The following SHOC2 variants were observed in gnomAD, a reference collection of about 807,000 sequenced individuals.
SHOC2 encodes SHOC2 leucine rich repeat scaffold protein, also known as leucine-rich repeat protein SHOC-2.
SHOC2 carries 4 observed loss-of-function variants against 50.2 expected under a neutral mutation model. That is an observed-to-expected ratio of 0.08 (90% CI 0.04 to 0.18). The LOEUF (loss-of-function observed/expected upper bound fraction) is 0.18. SHOC2 is among the 10% of genes least tolerant of loss of function. The pLI is 1.00. For missense variants in SHOC2, 388 were observed against 669.6 expected (o/e 0.58, Z 4.64); for synonymous variants, 218 against 244.5 (o/e 0.89, Z 1.01).
At chr10:110,921,169 G>A (rs1846639451) in intron 1 of SHOC2, among the ~76,000 whole-genome samples, 1 of 152,136 alleles carries the variant, frequency 6.6e-6, no homozygotes, top group East Asian at 1.9e-4. Flanking sequence ...CATTCAGTAA[G>A]GTTATATTTA....
chr10:110,923,274 ATATAT>A (rs1846690669), intron 1 of SHOC2, among the ~76,000 whole-genome samples: 1 of 152,074 alleles, frequency 6.6e-6, no homozygotes, highest in Non-Finnish European at 1.5e-5. Context: ...CTTGAACTTC[ATATAT>A]TATAGAGTGT....
intron 1 of SHOC2, among the ~76,000 whole-genome samples, chr10:110,936,460 G>GTTT (rs934196565): frequency 6.6e-6 from 1 of 151,648 alleles, no homozygotes; most frequent in Non-Finnish European, 1.5e-5. Context: ...AGATAGTAAT[G>GTTT]TTTTTTGCGT....
chr10:110,986,080 A>T (rs1254715259), intron 3 of SHOC2, among the ~76,000 whole-genome samples: 4 of 152,168 alleles, frequency 2.6e-5, no homozygotes, highest in African/African-American at 9.7e-5. Context: ...GTTGCATGTT[A>T]TTATACTGGG....
intron 2 of SHOC2, among the ~76,000 whole-genome samples, chr10:110,980,184 TCTCA>T: frequency 6.8e-6 from 1 of 147,618 alleles, no homozygotes; most frequent in East Asian, 2.0e-4. Flanking sequence ...TTTGAGATGG[TCTCA>T]CTCTGTCGCC....
chr10:110,974,863 A>T (rs1222727227), intron 2 of SHOC2, among the ~76,000 whole-genome samples: 1 of 152,200 alleles, frequency 6.6e-6, no homozygotes, highest in African/African-American at 2.4e-5. Flanking sequence ...TCCCATAATA[A>T]TACATTGATA....
chr10:111,007,791 C>A (rs1848497865), intron 6 of SHOC2, 138 bp downstream of exon 6: 2 of 840,104 alleles, frequency 2.4e-6, no homozygotes, highest in Non-Finnish European at 3.9e-6. Flanking sequence ...AACATACAAC[C>A]CTAATAGGAT....
intron 2 of SHOC2, among the ~76,000 whole-genome samples, chr10:110,973,686 G>A (rs1156730532): frequency 6.6e-6 from 1 of 151,840 alleles, no homozygotes; most frequent in Admixed American, 6.6e-5. Context: ...TTTTTTGTGT[G>A]TATGGACAAG....
At chr10:110,943,005 T>TA (rs1486615518) in intron 1 of SHOC2, among the ~76,000 whole-genome samples, 3 of 152,222 alleles carry the variant, frequency 2.0e-5, no homozygotes, top group African/African-American at 7.2e-5. Context: ...CTCAGTTTTC[T>TA]AAGATGAAGA....
In SHOC2 at chr10:110,985,718, A is replaced by G. The variant is rs1403934777; in HGVS notation, c.794A>G (p.Asn265Ser). 3.7e-6 allele frequency: 6 copies of G among 1,613,196 alleles called. No homozygotes were observed. Among genetic ancestry groups the G allele is most frequent in the Non-Finnish European group, 5.1e-6 (6 of 1,179,658 alleles). ...ATTGGAAACTGTACACAGATAACCA[A>G]CCTTGACTTGCAGCACAATGAACTG... is the stretch of plus-strand genomic sequence containing the variant. The part of the protein sequence containing the change: ...KEIGNCTQIT[N>S]LDLQHNELLD... The change falls in exon 3 of 9, where the codon AAC becomes AGC. Residue 265 changes from asparagine to serine, a missense_variant. This residue lies in a region of SHOC2 where 88 missense variants were observed against 147.2 expected (regional missense o/e 0.60). Coordinates refer to ENST00000369452, the MANE Select transcript of SHOC2 (RefSeq NM_007373.4).
At chr10:111,005,375 G>A (rs1848449064) in intron 5 of SHOC2, among the ~76,000 whole-genome samples, 1 of 152,174 alleles carries the variant, frequency 6.6e-6, no homozygotes, top group Non-Finnish European at 1.5e-5. Flanking sequence ...TATTAATAGA[G>A]ATTTAATTTT....
chr10:111,001,183 G>A (rs534994299), intron 4 of SHOC2, among the ~76,000 whole-genome samples: 101 of 139,886 alleles, frequency 7.2e-4, no homozygotes, highest in Non-Finnish European at 1.2e-3. Flanking sequence ...TTGAGGCAGA[G>A]TTTAGCTCTT....
intron 2 of SHOC2, among the ~76,000 whole-genome samples, chr10:110,975,893 C>T (rs1350116982): frequency 2.6e-5 from 4 of 151,616 alleles, no homozygotes; most frequent in Admixed American, 6.6e-5. Flanking sequence ...TTTTAGCACT[C>T]GTTGCTGGAT....
upstream of SHOC2, chr10:110,919,464 A>G (rs1221644286): frequency 1.0e-5 from 4 of 391,340 alleles, no homozygotes; most frequent in African/African-American, 2.1e-5. Flanking sequence ...TTTCTTGCCT[A>G]GCGAGTGACG....
chr10:110,981,897 C>T (rs1436219288), intron 2 of SHOC2, among the ~76,000 whole-genome samples: 1 of 62,100 alleles, frequency 1.6e-5, no homozygotes, highest in Non-Finnish European at 3.9e-5. Flanking sequence ...GGTACATGTG[C>T]ACATTGTGCA....
chr10:110,987,997 T>A (rs1774205703), intron 3 of SHOC2, among the ~76,000 whole-genome samples: 1 of 152,156 alleles, frequency 6.6e-6, no homozygotes, highest in Non-Finnish European at 1.5e-5. Flanking sequence ...GACTAGACGT[T>A]CCAGAAGGCC....
intron 4 of SHOC2, 72 bp from the exon 5 acceptor site, chr10:111,004,534 G>A: frequency 8.9e-7 from 1 of 1,120,288 alleles, no homozygotes; most frequent in Non-Finnish European, 1.4e-6. Context: ...CATTTGTGTT[G>A]GGACTGCTGT....
At chr10:110,974,759 C>T (rs1288640572) in intron 2 of SHOC2, among the ~76,000 whole-genome samples, 1 of 151,930 alleles carries the variant, frequency 6.6e-6, no homozygotes, top group Non-Finnish European at 1.5e-5. Flanking sequence ...TTGCATATAT[C>T]CTAAGAACTT....
intron 3 of SHOC2, among the ~76,000 whole-genome samples, chr10:110,990,593 G>C (rs915283138): frequency 3.7e-4 from 56 of 152,180 alleles, no homozygotes; most frequent in African/African-American, 1.3e-3. Flanking sequence ...TGACAAAACA[G>C]GCCACTCGGC....
rs535776105 is a variant in SHOC2, at chr10:111,013,593, T to A, written c.*1775T>A. 1 of 151,810 alleles carries A rather than the reference T, an allele frequency of 6.6e-6. No individual in the cohort carries two copies. The highest frequency in any genetic ancestry group is 2.1e-4 in the South Asian group (1 of 4,814). The allele number at this position is 151,810 out of a possible 1,614,324, so 9.4% of individuals were successfully genotyped here. ...CAAGTAATATCCTTTCTTTTTTTTTTCCCCCCATCTGCTGTGGCTTTTCAG... is the reference window on the plus strand; with the variant it reads ...CAAGTAATATCCTTTCTTTTTTTTTACCCCCCATCTGCTGTGGCTTTTCAG... On this transcript the variant is annotated 3_prime_UTR_variant, in exon 9 of 9. Transcript: ENST00000369452.
Sources: gnomAD v4.1 joint callset for allele counts (sites outside exome capture counted in the v4.1 genomes callset) on GRCh38, gnomAD v4.1.1 for gene constraint, gnomAD v4.1.1 regional missense constraint, MANE v1.5 for transcripts, NCBI Gene and HGNC (gene_info 2026-07-23, HGNC 2026-07-21) for gene names.